Variants in PTPRG observed in about 807,000 individuals in gnomAD.
PTPRG encodes protein tyrosine phosphatase receptor type G.
PTPRG carries 102 observed loss-of-function variants against 165.3 expected under a neutral mutation model. The observed-to-expected ratio is 0.62, with a 90% CI of 0.53 to 0.73. PTPRG has a LOEUF of 0.73. Among genes scored for constraint, PTPRG ranks in the 30% least tolerant of loss-of-function variants. The pLI, the probability that PTPRG is intolerant of heterozygous loss-of-function variation, is 0.00. For missense variants in PTPRG, 1,866 were observed against 1,861.4 expected, an observed-to-expected ratio of 1.00 and a Z score of -0.05; for synonymous variants, 675 against 669.5, an observed-to-expected ratio of 1.01 and a Z score of -0.13.
chr3:62,199,450 GC>G (rs200211286), intron 10 of PTPRG, among the ~76,000 whole-genome samples: 8,485 of 152,188 alleles, frequency 0.056, 761 homozygotes, highest in African/African-American at 0.19. Flanking sequence ...TGGACACTCA[GC>G]CCCAGCCGAA....
chr3:62,227,401 A>C (rs1700787372), intron 13 of PTPRG, among the ~76,000 whole-genome samples: 1 of 152,248 alleles, frequency 6.6e-6, no homozygotes, highest in South Asian at 2.1e-4. Flanking sequence ...AGGAAAGGGG[A>C]AACACCCCTG....
At chr3:61,615,988 G>C (rs1046111068) in intron 1 of PTPRG, among the ~76,000 whole-genome samples, 1 of 152,152 alleles carries the variant, frequency 6.6e-6, no homozygotes, top group Non-Finnish European at 1.5e-5. Flanking sequence ...GTCTCGCTCT[G>C]TTCCCAGGCT....
chr3:62,265,896 T>TATATACACACACACACACAC (rs1553662684), intron 17 of PTPRG, among the ~76,000 whole-genome samples: 2,164 of 130,552 alleles, frequency 0.017, 34 homozygotes, highest in Middle Eastern at 0.044. Flanking sequence ...GTGCCTTATA[T>TATATACACACACACACACAC]ACACACACAC....
chr3:61,651,255 G>A (rs1702346239), intron 1 of PTPRG, among the ~76,000 whole-genome samples: 1 of 151,804 alleles, frequency 6.6e-6, no homozygotes, highest in African/African-American at 2.4e-5. Flanking sequence ...GGGTTTAGTT[G>A]ATTAAGTTCT....
Position 62,215,852 on chromosome 3 carries a change from C to T in PTPRG, c.2156-2999C>T, listed in dbSNP as rs1700489334. Among the ~76,000 whole-genome samples, 4 of 152,156 alleles carry T rather than the reference C, an allele frequency of 2.6e-5. No homozygotes were observed. In the South Asian group the frequency reaches 8.3e-4, roughly 32 times the overall value. ...TATAATGTGCCACTGATCCACACAA[C>T]CAGATGGTCACTCCCTAACCCCTTC... On this transcript the variant is annotated intron_variant, in intron 12 of 29. Coordinates refer to ENST00000474889, the MANE Select transcript of PTPRG (RefSeq NM_002841.4).
intron 15 of PTPRG, among the ~76,000 whole-genome samples, chr3:62,244,158 A>G (rs982146164): frequency 1.3e-5 from 2 of 152,242 alleles, no homozygotes; most frequent in Non-Finnish European, 1.5e-5. Flanking sequence ...TGCATAGGCA[A>G]TTTGTGCTTA....
In PTPRG at chr3:62,195,233, C is replaced by T; in HGVS notation, c.1327+63C>T. On this transcript the variant is annotated intron_variant, in intron 10 of 29. Coordinates refer to ENST00000474889, the MANE Select transcript of PTPRG (RefSeq NM_002841.4). This position sits in a 1 kb window ranked among gnomAD's most constrained non-coding sequence, Gnocchi z 4.4. ...TGAGACTCCCTCCCAATGCTTTCTG[C>T]TTCTTCCTGCTCAGGTGCTGGGGAA... 1.4e-5 allele frequency: 19 copies of T among 1,386,870 alleles called. No homozygotes were observed. Among genetic ancestry groups the T allele is most frequent in the Non-Finnish European group, 2.0e-5 (19 of 973,882 alleles). 85.9% of individuals were successfully genotyped at this position (1,386,870 alleles called of 1,614,324 possible). A position where few individuals can be genotyped will look rare whatever the true frequency, so the allele number is the denominator to read the frequency against.
At chr3:61,965,563 T>G (rs1484387382) in intron 2 of PTPRG, among the ~76,000 whole-genome samples, 2 of 152,128 alleles carry the variant, frequency 1.3e-5, no homozygotes, top group Non-Finnish European at 2.9e-5. Context: ...ATGTGTGAGT[T>G]GTTCAAGAGT....
chr3:62,238,772 AAGAG>A (rs140872602), intron 14 of PTPRG, among the ~76,000 whole-genome samples: 6 of 151,816 alleles, frequency 4.0e-5, no homozygotes, highest in Non-Finnish European at 7.4e-5. Flanking sequence ...CTTTACTGAT[AAGAG>A]AGAGAGAGAG....
chr3:61,691,972 T>C (rs746917033), intron 1 of PTPRG, among the ~76,000 whole-genome samples: 1 of 152,226 alleles, frequency 6.6e-6, no homozygotes, highest in Non-Finnish European at 1.5e-5. Context: ...CATTTTCGGT[T>C]GCAGAGAGTA....
intron 2 of PTPRG, among the ~76,000 whole-genome samples, chr3:61,964,661 T>TA (rs1185657513): frequency 2.6e-5 from 4 of 152,206 alleles, no homozygotes; most frequent in Non-Finnish European, 4.4e-5. Context: ...CTCTTGTCTT[T>TA]ATTGCCTTCA....
chr3:61,695,022 T>C (rs975063290), intron 1 of PTPRG, among the ~76,000 whole-genome samples: 2 of 152,032 alleles, frequency 1.3e-5, no homozygotes, highest in African/African-American at 2.4e-5. Flanking sequence ...TTTTCTTTTT[T>C]TTTTTGAGAC....
At chr3:61,629,717 G>A (rs1701714884) in intron 1 of PTPRG, among the ~76,000 whole-genome samples, 1 of 152,124 alleles carries the variant, frequency 6.6e-6, no homozygotes, top group Non-Finnish European at 1.5e-5. Context: ...GCGGTCTCAG[G>A]TAAGAAGGAG....
chr3:61,839,790 T>C (rs1396379753), intron 2 of PTPRG, among the ~76,000 whole-genome samples: 9 of 152,212 alleles, frequency 5.9e-5, no homozygotes, highest in Admixed American at 5.9e-4. Context: ...ATTTTCTTTC[T>C]GTACCATACC....
intron 2 of PTPRG, among the ~76,000 whole-genome samples, chr3:61,867,116 T>C (rs1424098717): frequency 2.6e-5 from 4 of 152,094 alleles, no homozygotes; most frequent in African/African-American, 9.7e-5. Flanking sequence ...AGAAGTTCCT[T>C]CTGGAGCAGA....
chr3:61,822,210 T>A (rs1472803557), intron 2 of PTPRG, among the ~76,000 whole-genome samples: 1 of 152,232 alleles, frequency 6.6e-6, no homozygotes, highest in Non-Finnish European at 1.5e-5. Flanking sequence ...GACTTCTGTG[T>A]CTGTTTTTAA....
intron 1 of PTPRG, among the ~76,000 whole-genome samples, chr3:61,637,240 G>T (rs1014859786): frequency 6.6e-6 from 1 of 152,220 alleles, no homozygotes; most frequent in Non-Finnish European, 1.5e-5. Context: ...CTCTGGTCAG[G>T]TAGTTAGTTG....
At chr3:62,257,041 G>T (rs1701552365) in intron 16 of PTPRG, among the ~76,000 whole-genome samples, 1 of 151,204 alleles carries the variant, frequency 6.6e-6, no homozygotes, top group Non-Finnish European at 1.5e-5. Context: ...AGGTGAAAGG[G>T]CTGTTGTGAT....
chr3:61,766,204 G>A (rs2106994960), intron 2 of PTPRG, among the ~76,000 whole-genome samples: 1 of 152,218 alleles, frequency 6.6e-6, no homozygotes, highest in Middle Eastern at 3.4e-3. Context: ...CATTTAAATT[G>A]TGAGCTGTGA....
Sources: allele counts gnomAD v4.1 joint callset (sites outside exome capture counted in the v4.1 genomes callset), GRCh38; gene constraint gnomAD v4.1.1; non-coding constraint Gnocchi (gnomAD v3.1); transcripts MANE v1.5; gene names NCBI Gene and HGNC (gene_info 2026-07-23, HGNC 2026-07-21).